The following DLG2 variants were observed in gnomAD, a reference collection of about 807,000 sequenced individuals.
DLG2 encodes discs large MAGUK scaffold protein 2.
Under a neutral mutation model 132.5 loss-of-function variants are expected in DLG2, and 45 were observed. The observed-to-expected ratio is 0.34, with a 90% confidence interval of 0.27 to 0.44. The LOEUF is 0.44. DLG2 is among the 20% of genes least tolerant of loss of function. The pLI is 1.00. For missense variants in DLG2, 1,045 were observed against 1,196.9 expected, an observed-to-expected ratio of 0.87 and a Z score of 1.87; for synonymous variants, 424 against 419.6, an observed-to-expected ratio of 1.01 and a Z score of -0.13.
chr11:84,970,861 G>T (rs2054004528), intron 6 of DLG2, among the ~76,000 whole-genome samples: 1 of 152,112 alleles, frequency 6.6e-6, no homozygotes. Context: ...CCATAGCAGG[G>T]AAGCTTTATT....
At chr11:83,841,123 T>C (rs1277163273) in intron 16 of DLG2, among the ~76,000 whole-genome samples, 11 of 152,316 alleles carry the variant, frequency 7.2e-5, no homozygotes, top group East Asian at 1.9e-4. Flanking sequence ...GTGAGGGCAT[T>C]GTGGCCCCCA....
chr11:85,078,785 A>C (rs1318221294), intron 6 of DLG2, among the ~76,000 whole-genome samples: 1 of 152,102 alleles, frequency 6.6e-6, no homozygotes, highest in Non-Finnish European at 1.5e-5. Flanking sequence ...CATCCACTGG[A>C]TTTGTCAACA....
chr11:85,450,102 C>T (rs1022258592), intron 3 of DLG2, among the ~76,000 whole-genome samples: 28 of 152,048 alleles, frequency 1.8e-4, no homozygotes, highest in African/African-American at 6.8e-4. Context: ...GCACTCCAGC[C>T]TGGGCAACAA....
At chr11:84,903,971 A>G (rs558629576) in intron 6 of DLG2, among the ~76,000 whole-genome samples, 1 of 152,296 alleles carries the variant, frequency 6.6e-6, no homozygotes, top group South Asian at 2.1e-4. Context: ...CAATTTACAA[A>G]TGGAGAAATA....
At chr11:84,709,449 TTG>T (rs1194937098) in intron 6 of DLG2, among the ~76,000 whole-genome samples, 1 of 152,002 alleles carries the variant, frequency 6.6e-6, no homozygotes, top group Non-Finnish European at 1.5e-5. Flanking sequence ...ATGTGAGACA[TTG>T]TATTTGTTGC....
At chr11:84,601,274 C>A (rs1044959315) in intron 6 of DLG2, among the ~76,000 whole-genome samples, 2 of 152,052 alleles carry the variant, frequency 1.3e-5, no homozygotes, top group African/African-American at 4.8e-5. Flanking sequence ...GAGAATATTG[C>A]TCTTCATTAT....
intron 3 of DLG2, among the ~76,000 whole-genome samples, chr11:85,551,501 A>C (rs1053290209): frequency 2.6e-5 from 4 of 152,150 alleles, no homozygotes; most frequent in African/African-American, 4.8e-5. Context: ...ACATACTAAC[A>C]AAATTAGATC....
intron 6 of DLG2, among the ~76,000 whole-genome samples, chr11:84,747,781 C>A (rs1046648590): frequency 6.6e-6 from 1 of 152,004 alleles, no homozygotes; most frequent in Non-Finnish European, 1.5e-5. Flanking sequence ...TGCTGGGTAT[C>A]GTAAATGGTT....
intron 6 of DLG2, among the ~76,000 whole-genome samples, chr11:84,749,852 T>A (rs986615620): frequency 1.3e-5 from 2 of 152,170 alleles, no homozygotes; most frequent in African/African-American, 4.8e-5. Flanking sequence ...TAGTAGCATG[T>A]CCTGAAGTTG....
At chr11:84,716,808 G>A (rs961920731) in intron 6 of DLG2, among the ~76,000 whole-genome samples, 8 of 151,662 alleles carry the variant, frequency 5.3e-5, no homozygotes, top group Admixed American at 4.6e-4. Context: ...AAGGTTAGAT[G>A]GGACTGTAGG....
chr11:84,603,196 A>G (rs1431557192), intron 6 of DLG2, among the ~76,000 whole-genome samples: 1 of 151,824 alleles, frequency 6.6e-6, no homozygotes, highest in Non-Finnish European at 1.5e-5. Flanking sequence ...TCTGTCCTGA[A>G]CTCGTTTATG....
intron 15 of DLG2, among the ~76,000 whole-genome samples, chr11:83,888,281 T>A (rs1186637040): frequency 6.6e-6 from 1 of 152,112 alleles, no homozygotes; most frequent in Non-Finnish European, 1.5e-5. Context: ...TGTACAAAAA[T>A]CACAAGCATT....
intron 6 of DLG2, among the ~76,000 whole-genome samples, chr11:84,907,686 G>A (rs1342806028): frequency 6.6e-6 from 1 of 152,150 alleles, no homozygotes; most frequent in Non-Finnish European, 1.5e-5. Flanking sequence ...GTTCTCCTCT[G>A]GGACCACTTA....
chr11:85,231,035 T>C (rs1366347199), intron 4 of DLG2, among the ~76,000 whole-genome samples: 1 of 152,034 alleles, frequency 6.6e-6, no homozygotes, highest in East Asian at 1.9e-4. Flanking sequence ...TACTATTTAT[T>C]AGTTACCAAG....
At chr11:85,596,239 A>G (rs7935017) in intron 3 of DLG2, among the ~76,000 whole-genome samples, 2 of 152,144 alleles carry the variant, frequency 1.3e-5, no homozygotes, top group African/African-American at 2.4e-5. Context: ...AATACAAAAA[A>G]TTAGCCAGGT....
At chr11:85,116,078 G>T (rs1283441818) in intron 5 of DLG2, among the ~76,000 whole-genome samples, 3 of 151,926 alleles carry the variant, frequency 2.0e-5, no homozygotes, top group African/African-American at 7.2e-5. Flanking sequence ...AAGAAAAAGA[G>T]GTCAAAACGT....
intron 3 of DLG2, among the ~76,000 whole-genome samples, chr11:85,330,792 T>TAAAAAAAAAAAAAAAAAAAAAAAAAA (rs56995757): frequency 6.0e-5 from 7 of 116,484 alleles, no homozygotes; most frequent in South Asian, 2.7e-4. Flanking sequence ...AAAAAAAAAT[T>TAAAAAAAAAAAAAAAAAAAAAAAAAA]AAAAAAAAAA....
At chr11:84,348,216 T>C (rs1449240921) in intron 7 of DLG2, among the ~76,000 whole-genome samples, 1 of 152,206 alleles carries the variant, frequency 6.6e-6, no homozygotes, top group African/African-American at 2.4e-5. Flanking sequence ...CATAGATAAA[T>C]TATTTTCTTT....
intron 3 of DLG2, among the ~76,000 whole-genome samples, chr11:85,566,112 A>G (rs2077512361): frequency 6.6e-6 from 1 of 152,174 alleles, no homozygotes; most frequent in Non-Finnish European, 1.5e-5. Flanking sequence ...ATGATGTTGG[A>G]CATCTTTCCA....
Sources: allele counts gnomAD v4.1 joint callset (sites outside exome capture counted in the v4.1 genomes callset), GRCh38; gene constraint gnomAD v4.1.1; transcripts MANE v1.5; gene names NCBI Gene and HGNC (gene_info 2026-07-23, HGNC 2026-07-21).